POLR3A: variants seen among roughly 807,000 people sequenced by gnomAD.
POLR3A encodes the protein DNA-directed RNA polymerase III subunit RPC1.
Under a neutral mutation model 152.8 loss-of-function variants are expected in POLR3A, and 112 were observed. The observed-to-expected ratio is 0.73, with a 90% CI of 0.63 to 0.86. The LOEUF is 0.86. POLR3A is among the 40% of genes least tolerant of loss of function. The pLI is 0.00. For missense variants in POLR3A, 1,385 were observed against 1,743.1 expected, an observed-to-expected ratio of 0.79 and a Z score of 3.66; for synonymous variants, 615 against 652.1, an observed-to-expected ratio of 0.94 and a Z score of 0.87.
At chr10:77,984,047 G>A (rs777367337) in intron 25 of POLR3A, 35 bp from the exon 26 acceptor site, 16 of 1,471,340 alleles carry the variant, frequency 1.1e-5, no homozygotes, top group African/African-American at 5.6e-5. Context: ...TTAATCAGCC[G>A]CTTTCCCCTT....
rs1323604522 is a variant in POLR3A, at chr10:77,975,697, G to C, written c.*1781C>G. ...CTTCCATTTAAAGTGTGCGTCACCC[G>C]CAGAAGACAACAGGTGCCGGAGTTC... On this transcript the variant is annotated 3_prime_UTR_variant, in exon 31 of 31. Transcript: ENST00000372371. 1 of 152,242 alleles carries C rather than the reference G, an allele frequency of 6.6e-6. No homozygotes were observed. The highest frequency in any genetic ancestry group is 1.9e-4 in the East Asian group (1 of 5,200). The allele number at this position is 152,242 out of a possible 1,614,324, so 9.4% of individuals were successfully genotyped here. A position where few individuals can be genotyped will look rare whatever the true frequency, so the allele number is the denominator to read the frequency against.
intron 20 of POLR3A, among the ~76,000 whole-genome samples, chr10:77,992,270 T>G (rs1847256484): frequency 6.6e-6 from 1 of 151,782 alleles, no homozygotes; most frequent in African/African-American, 2.4e-5. Context: ...AACTTTTTTT[T>G]TCATCTTTTT....
intron 13 of POLR3A, 36 bp downstream of exon 13, chr10:78,009,818 GACACATACAC>G: frequency 6.2e-7 from 1 of 1,610,468 alleles, no homozygotes; most frequent in East Asian, 2.2e-5. Flanking sequence ...TACCCCCACA[GACACATACAC>G]ACACCTGTGC....
In POLR3A at chr10:78,025,045, T is replaced by C; in HGVS notation, c.416A>G (p.Lys139Arg). The C allele has an allele frequency of 6.2e-7, 1 of 1,614,230 alleles. No homozygotes were observed. The highest frequency in any genetic ancestry group is 8.5e-7 in the Non-Finnish European group (1 of 1,180,036). ...LKRPGLTYLQ[K>R]RGLKKKISDK... ...AGAGATTTTCTTTTTCAGTCCTCGC[T>C]TCTGAAGGTAGGTCAGGCCGGGCCT... is the stretch of plus-strand genomic sequence containing the variant. The change falls in exon 4 of 31, where the codon AAG becomes AGG. Residue 139 changes from lysine (K) to arginine (R), a missense_variant. By Grantham distance (26) the Lys-to-Arg change is conservative. Coordinates refer to ENST00000372371, the MANE Select transcript of POLR3A (RefSeq NM_007055.4).
At chr10:77,991,591 C>T (rs958542544) in intron 20 of POLR3A, among the ~76,000 whole-genome samples, 1 of 152,132 alleles carries the variant, frequency 6.6e-6, no homozygotes. Context: ...GGCGCCATCT[C>T]GGCTCACTGC....
chr10:78,023,514 C>G (rs1041307810), intron 5 of POLR3A, among the ~76,000 whole-genome samples: 8 of 151,604 alleles, frequency 5.3e-5, no homozygotes, highest in Admixed American at 2.0e-4. Context: ...GATGCAGTGG[C>G]TGACACCTGT....
Position 78,025,626 on chromosome 10 carries a change from A to G in POLR3A, c.314T>C (p.Leu105Ser), listed in dbSNP as rs768763506. ...VGYFRAVIGI[L>S]QMICKTCCHI... The stretch of plus-strand genomic sequence containing the variant: ...AATCAGCACCTGTGTGCTTACCTGT[A>G]AGATGCCTATGACTGCTCTGAAGTA... Residue 105 changes from leucine (L) to serine (S), a missense_variant, in exon 3 of 31, where the codon TTA becomes TCA. Transcript: ENST00000372371. The G allele has an allele frequency of 6.2e-7, 1 of 1,614,144 alleles. No individual in the cohort carries two copies. Among genetic ancestry groups the G allele is most frequent in the Non-Finnish European group, 8.5e-7 (1 of 1,179,994 alleles).
At chr10:77,982,542 C>T in intron 27 of POLR3A, 111 bp downstream of exon 27, 4 of 1,055,406 alleles carry the variant, frequency 3.8e-6, no homozygotes, top group Non-Finnish European at 5.8e-6. Flanking sequence ...GGGGATAAGG[C>T]CAAGAAGAAA....
chr10:78,014,214 CA>C (rs1847495875), intron 10 of POLR3A, among the ~76,000 whole-genome samples: 1 of 151,406 alleles, frequency 6.6e-6, no homozygotes, highest in African/African-American at 2.4e-5. Context: ...TGAACCAAAG[CA>C]GTGAATTTCA....
chr10:78,012,749 T>C lies in POLR3A; in HGVS notation c.1572+901A>G, dbSNP rs143435365. On this transcript the variant is annotated intron_variant, in intron 11 of 30. Coordinates refer to ENST00000372371, the MANE Select transcript of POLR3A (RefSeq NM_007055.4). ...TTTTTTTTCTTCTTTTGAGACAGGG[T>C]CTTGCTCTGTTGCCCAGGCTGAACT... is the stretch of plus-strand genomic sequence containing the variant. Among the ~76,000 whole-genome samples the C allele has an allele frequency of 8.2e-4, 124 of 151,712 alleles. 1 individual carries two copies. Among genetic ancestry groups the C allele is most frequent in the South Asian group, 7.9e-3 (38 of 4,794 alleles).
chr10:77,979,186 A>G, intron 30 of POLR3A, among the ~76,000 whole-genome samples: 1 of 152,218 alleles, frequency 6.6e-6, no homozygotes, highest in East Asian at 1.9e-4. Flanking sequence ...GAAAAGAGAA[A>G]CAGTTAATCT....
rs1293813866 is a variant in POLR3A, at chr10:78,007,740, G to A, written c.2036C>T (p.Ala679Val). Residue 679 changes from alanine (A) to valine (V), a missense_variant, in exon 15 of 31, where the codon GCC (alanine) becomes GTC (valine). Physicochemically the swap from Ala to Val is moderately conservative, Grantham distance 64. This residue lies in a region of POLR3A where 170 missense variants were observed against 231.2 expected (regional missense o/e 0.74). Transcript: ENST00000372371. ...RDWGQNEAAD[A>V]MSRLARLAPV... Reference sequence around the variant, plus strand: ...AGCCAGCCTGGCGAGCCGTGACATGGCATCTGCAGCTTCATTCTGTCCCCA... The same window carrying A: ...AGCCAGCCTGGCGAGCCGTGACATGACATCTGCAGCTTCATTCTGTCCCCA... 1 of 1,613,894 alleles carries A rather than the reference G, an allele frequency of 6.2e-7. No individual in the cohort carries two copies. The highest frequency in any genetic ancestry group is 8.5e-7 in the Non-Finnish European group (1 of 1,179,916).
chr10:78,022,625 C>A (rs1205650546), intron 5 of POLR3A, among the ~76,000 whole-genome samples: 2 of 152,088 alleles, frequency 1.3e-5, no homozygotes, highest in Non-Finnish European at 2.9e-5. Flanking sequence ...CAGAAATGAA[C>A]ACAAAGATTT....
rs758297676 is a variant in POLR3A, at chr10:78,004,700, A to G, written c.2247+16T>C. ...GCACGGCAAGTGGCGACCCTGAACC[A>G]AAGGGCCGGGCTCACCTCCAGGGTC... On this transcript the variant is annotated intron_variant, in intron 16 of 30. Transcript: ENST00000372371. The G allele has an allele frequency of 8.1e-6, 13 of 1,608,970 alleles. No individual in the cohort carries two copies. The highest frequency in any genetic ancestry group is 1.1e-5 in the Non-Finnish European group (13 of 1,178,318).
intron 9 of POLR3A, 25 bp downstream of exon 9, chr10:78,019,137 T>A (rs1847553224): frequency 6.6e-7 from 1 of 1,524,556 alleles, no homozygotes; most frequent in South Asian, 1.1e-5. Flanking sequence ...AGTAGTTAAA[T>A]CCAACTAGAT....
At chr10:78,014,193 C>T (rs1589315176) in intron 10 of POLR3A, among the ~76,000 whole-genome samples, 1 of 151,740 alleles carries the variant, frequency 6.6e-6, no homozygotes, top group East Asian at 1.9e-4. Flanking sequence ...ATTCGAGAAG[C>T]TTTATTAGAT....
rs574478513 is a variant in POLR3A at position 77,981,416 on chromosome 10, C to T, written c.3891+12G>A. On this transcript the variant is annotated intron_variant, in intron 29 of 30. Transcript: ENST00000372371. ...GATGCCCAGGCAGCCCGGGGGCCTCCTGCCCACATACCTTGTAGGTCATGA... is the reference window on the plus strand; with the variant it reads ...GATGCCCAGGCAGCCCGGGGGCCTCTTGCCCACATACCTTGTAGGTCATGA... 6.2e-7 allele frequency: 1 copy of T among 1,613,772 alleles called. No homozygotes were observed. Among genetic ancestry groups the T allele is most frequent in the Admixed American group, 1.7e-5 (1 of 60,028 alleles).
chr10:78,020,507 G>T (rs1349326204), intron 8 of POLR3A, among the ~76,000 whole-genome samples: 3 of 151,042 alleles, frequency 2.0e-5, no homozygotes, highest in Non-Finnish European at 2.9e-5. Context: ...AAAAAAACCA[G>T]GCCGGATGCG....
intron 26 of POLR3A, 76 bp from the exon 27 acceptor site, chr10:77,982,893 A>AG: frequency 1.4e-6 from 2 of 1,398,366 alleles, no homozygotes; most frequent in Non-Finnish European, 2.0e-6. Flanking sequence ...CCCTCTAAGA[A>AG]GTCCTTTTAG....
Sources: allele counts gnomAD v4.1 joint callset (sites outside exome capture counted in the v4.1 genomes callset), GRCh38; gene constraint gnomAD v4.1.1; regional missense constraint gnomAD v4.1.1; transcripts MANE v1.5; gene names NCBI Gene and HGNC (gene_info 2026-07-23, HGNC 2026-07-21).